PPP2R2A: variants seen among roughly 807,000 people sequenced by gnomAD.
PPP2R2A encodes serine/threonine-protein phosphatase 2A 55 kDa regulatory subunit B alpha isoform.
PPP2R2A carries 9 observed loss-of-function variants against 53.2 expected under a neutral mutation model. That is an observed-to-expected ratio of 0.17 (90% CI 0.10 to 0.30). The LOEUF is 0.30. PPP2R2A is among the 10% of genes least tolerant of loss of function. PPP2R2A has a pLI of 1.00. For synonymous variants in PPP2R2A, 169 were observed against 174.2 expected, an observed-to-expected ratio of 0.97 and a Z score of 0.23; for missense variants, 235 against 534.6, an observed-to-expected ratio of 0.44 and a Z score of 5.53.
chr8:26,312,895 A>G (rs1300762505), intron 2 of PPP2R2A, among the ~76,000 whole-genome samples: 1 of 152,146 alleles, frequency 6.6e-6, no homozygotes, highest in African/African-American at 2.4e-5. Context: ...GCTCATGTAT[A>G]TAGTTTTTAA....
At chr8:26,334,980 A>T (rs976510164) in intron 2 of PPP2R2A, among the ~76,000 whole-genome samples, 6 of 152,112 alleles carry the variant, frequency 3.9e-5, no homozygotes, top group African/African-American at 1.2e-4. Flanking sequence ...CACTTTTTGC[A>T]TGTCATGGCA....
chr8:26,336,099 A>T (rs1227879219), intron 2 of PPP2R2A, among the ~76,000 whole-genome samples: 1 of 151,908 alleles, frequency 6.6e-6, no homozygotes, highest in African/African-American at 2.4e-5. Flanking sequence ...TCATTACTTG[A>T]TTCTTGTTCT....
chr8:26,318,859 T>A (rs1802693553), intron 2 of PPP2R2A, among the ~76,000 whole-genome samples: 2 of 152,220 alleles, frequency 1.3e-5, no homozygotes, highest in Non-Finnish European at 2.9e-5. Flanking sequence ...ATCTTTTTAT[T>A]GTGGTAAAAT....
chr8:26,345,925 G>GAT (rs747011710), intron 3 of PPP2R2A, among the ~76,000 whole-genome samples: 10 of 151,936 alleles, frequency 6.6e-5, no homozygotes, highest in Non-Finnish European at 1.2e-4. Context: ...GAGGCATTAT[G>GAT]TTTTTCAGCT....
intron 9 of PPP2R2A, among the ~76,000 whole-genome samples, chr8:26,366,849 TA>T (rs1357135490): frequency 7.2e-5 from 11 of 152,272 alleles, no homozygotes; most frequent in African/African-American, 2.6e-4. Context: ...TTAACCATAA[TA>T]TATATGGTTA....
chr8:26,368,771 C>T (rs764964641), intron 9 of PPP2R2A, among the ~76,000 whole-genome samples: 1 of 152,234 alleles, frequency 6.6e-6, no homozygotes, highest in Admixed American at 6.5e-5. Flanking sequence ...TGTGCCACCA[C>T]ATTTCAACCC....
Position 26,370,487 on chromosome 8 carries a change from A to AAG in PPP2R2A, c.*81_*82dup. 2.6e-6 allele frequency: 4 copies of AAG among 1,517,204 alleles called. No homozygotes were observed. The highest frequency in any genetic ancestry group is 3.6e-6 in the Non-Finnish European group (4 of 1,110,718). 94.0% of individuals were successfully genotyped at this position (1,517,204 alleles called of 1,614,324 possible). A position where few individuals can be genotyped will look rare whatever the true frequency, so the allele number is the denominator to read the frequency against. ...TTGAATCTAGCATTCGTTCCTATAA[A>AAG]AGAGAGAGGTCCATTGTGGCGCCCC... On this transcript the variant is annotated 3_prime_UTR_variant, in exon 10 of 10. Transcript: ENST00000380737. The surrounding 1 kb of genome is among the most constrained non-coding windows in gnomAD (Gnocchi z 6.1).
At chr8:26,363,618 C>T in intron 7 of PPP2R2A, 103 bp from the exon 8 acceptor site, 1 of 1,016,024 alleles carries the variant, frequency 9.8e-7, no homozygotes, top group Non-Finnish European at 1.3e-6. Context: ...TGGCATTTTA[C>T]CTCACTTGTA....
intron 2 of PPP2R2A, among the ~76,000 whole-genome samples, chr8:26,303,413 A>G (rs1267487604): frequency 6.6e-6 from 1 of 152,174 alleles, no homozygotes; most frequent in Non-Finnish European, 1.5e-5. Flanking sequence ...TCGTCATTAG[A>G]AGTGAGTTGG....
At chr8:26,365,092 C>T (rs984889827) in intron 8 of PPP2R2A, 2 of 152,200 alleles carry the variant, frequency 1.3e-5, no homozygotes, top group African/African-American at 4.8e-5. Flanking sequence ...TAGTGAGAAA[C>T]TCTATAATGT....
chr8:26,369,759 T>C (rs1245061990), intron 9 of PPP2R2A, among the ~76,000 whole-genome samples: 2 of 152,178 alleles, frequency 1.3e-5, no homozygotes, highest in East Asian at 3.9e-4. Flanking sequence ...TCATGCGGGG[T>C]TCTTTTGTTT....
rs756664342 is a variant in PPP2R2A, at chr8:26,362,849, G to A, written c.802+1G>A. On this transcript the variant is annotated splice_donor_variant, in intron 7 of 9. Transcript: ENST00000380737. LOFTEE classifies it high-confidence loss of function. The surrounding 1 kb of genome is among the most constrained non-coding windows in gnomAD (Gnocchi z 4.4). ...GCCCTCTGTGATAGACATTCTAAAT[G>A]TAAGTTTATTGTATCTTTCCTTAAA... 1 of 1,611,394 alleles carries A rather than the reference G, an allele frequency of 6.2e-7. No homozygotes were observed. Among genetic ancestry groups the A allele is most frequent in the Non-Finnish European group, 8.5e-7 (1 of 1,178,310 alleles).
intron 4 of PPP2R2A, among the ~76,000 whole-genome samples, chr8:26,357,232 A>G (rs1194308974): frequency 1.4e-5 from 2 of 147,778 alleles, no homozygotes; most frequent in Admixed American, 6.8e-5. Context: ...GATATCTTTT[A>G]TATTATTTTG....
In PPP2R2A at chr8:26,349,895, A is replaced by G. The variant is rs1475022532; in HGVS notation, c.181-4573A>G. On this transcript the variant is annotated intron_variant, in intron 3 of 9. Coordinates refer to ENST00000380737, the MANE Select transcript of PPP2R2A (RefSeq NM_002717.4). ...AGTAGAAATATTATGCCCATAGGGTAGGCATTCACTGTTAGCAGACATCAC... is the reference window on the plus strand; with the variant it reads ...AGTAGAAATATTATGCCCATAGGGTGGGCATTCACTGTTAGCAGACATCAC... Among the ~76,000 whole-genome samples, 8 of 152,340 alleles carry G rather than the reference A, an allele frequency of 5.3e-5. No homozygotes were observed. In the East Asian group the frequency reaches 1.3e-3, roughly 26 times the overall value.
chr8:26,339,122 A>G (rs1166784918), intron 3 of PPP2R2A, 135 bp downstream of exon 3: 9 of 625,280 alleles, frequency 1.4e-5, no homozygotes, highest in Non-Finnish European at 2.5e-5. Flanking sequence ...TGTCCAATAT[A>G]TAGACAGCTC....
At position 26,368,822 on chromosome 8, in the gene PPP2R2A, A is replaced by G. The variant is rs564028071; in HGVS notation, c.1065-1312A>G. On this transcript the variant is annotated intron_variant, in intron 9 of 9. Transcript: ENST00000380737. The stretch of plus-strand genomic sequence containing the variant: ...ACCCTGTCTTGAAAAATACATATAT[A>G]TAGGCCGGGCACGGTGGCTCACGCC... Among the ~76,000 whole-genome samples the G allele has an allele frequency of 7.7e-4, 117 of 152,102 alleles. 1 individual carries two copies. Among genetic ancestry groups the G allele is most frequent in the Non-Finnish European group, 1.5e-3 (103 of 67,980 alleles).
intron 2 of PPP2R2A, among the ~76,000 whole-genome samples, chr8:26,328,005 G>C (rs1280456232): frequency 1.3e-5 from 2 of 152,212 alleles, no homozygotes; most frequent in Admixed American, 6.5e-5. Context: ...TACCAGCTGT[G>C]TTCTCACCCA....
At chr8:26,339,620 C>G (rs1023808949) in intron 3 of PPP2R2A, among the ~76,000 whole-genome samples, 3 of 152,074 alleles carry the variant, frequency 2.0e-5, no homozygotes, top group Admixed American at 2.0e-4. Flanking sequence ...CCAGATTTCT[C>G]ACTAAAAATT....
intron 4 of PPP2R2A, chr8:26,359,182 C>T (rs1804949805): frequency 5.3e-6 from 1 of 187,414 alleles, no homozygotes; most frequent in South Asian, 1.0e-4. Flanking sequence ...CAAAGTACCT[C>T]ACCACCACTA....
Sources: allele counts gnomAD v4.1 joint callset (sites outside exome capture counted in the v4.1 genomes callset), GRCh38; gene constraint gnomAD v4.1.1; non-coding constraint Gnocchi (gnomAD v3.1); transcripts MANE v1.5; gene names NCBI Gene and HGNC (gene_info 2026-07-23, HGNC 2026-07-21).